PCDH9: variants seen among roughly 807,000 people sequenced by gnomAD.
The protein encoded by PCDH9 is protocadherin 9.
PCDH9 carries 24 observed loss-of-function variants against 70.6 expected under a neutral mutation model. The ratio of observed to expected loss-of-function variants is 0.34; its 90% CI spans 0.25 to 0.48. PCDH9 has a LOEUF of 0.48. Ranked by LOEUF, PCDH9 falls within the 20% of genes least tolerant of loss-of-function variation. The pLI is 0.99. For missense variants in PCDH9, 1,281 were observed against 1,503.6 expected (o/e 0.85, Z 2.45); for synonymous variants, 562 against 558.5 (o/e 1.01, Z -0.09).
chr13:67,077,936 T>C (rs1450524616), intron 2 of PCDH9, among the ~76,000 whole-genome samples: 3 of 152,188 alleles, frequency 2.0e-5, no homozygotes, highest in Admixed American at 2.0e-4. Context: ...CATACAAGTC[T>C]AAAACTTTTC....
At chr13:66,440,935 A>AT (rs905539344) in intron 4 of PCDH9, among the ~76,000 whole-genome samples, 1 of 152,124 alleles carries the variant, frequency 6.6e-6, no homozygotes, top group African/African-American at 2.4e-5. Context: ...TGCATTGCAT[A>AT]TATCAGCTAC....
intron 2 of PCDH9, among the ~76,000 whole-genome samples, chr13:67,130,527 G>A (rs1020736431): frequency 6.6e-6 from 1 of 151,942 alleles, no homozygotes; most frequent in African/African-American, 2.4e-5. Flanking sequence ...TTTCACAGGG[G>A]TTCGGGCCAT....
intron 3 of PCDH9, among the ~76,000 whole-genome samples, chr13:66,742,019 G>T (rs2079272777): frequency 7.8e-6 from 1 of 128,742 alleles, no homozygotes; most frequent in East Asian, 2.5e-4. Flanking sequence ...AACCAAAAAA[G>T]AGCCCGCATT....
At chr13:66,553,906 C>A (rs1961605605) in intron 4 of PCDH9, among the ~76,000 whole-genome samples, 1 of 152,052 alleles carries the variant, frequency 6.6e-6, no homozygotes, top group East Asian at 1.9e-4. Flanking sequence ...TTGAGAGGTG[C>A]CATAATTATT....
At chr13:66,439,589 C>T (rs781468658) in intron 4 of PCDH9, among the ~76,000 whole-genome samples, 13 of 152,154 alleles carry the variant, frequency 8.5e-5, no homozygotes, top group Non-Finnish European at 1.8e-4. Flanking sequence ...GTAAATTATG[C>T]TGCTTGTTGC....
intron 2 of PCDH9, among the ~76,000 whole-genome samples, chr13:67,143,344 C>G (rs754648101): frequency 2.0e-5 from 3 of 152,042 alleles, no homozygotes; most frequent in Non-Finnish European, 4.4e-5. Context: ...AATTCATAAA[C>G]CTTGTAGTTA....
intron 4 of PCDH9, among the ~76,000 whole-genome samples, chr13:66,404,704 T>C (rs1257533607): frequency 6.6e-6 from 1 of 152,160 alleles, no homozygotes; most frequent in Non-Finnish European, 1.5e-5. Flanking sequence ...TTACGTATGC[T>C]GTTTTAGTGC....
At chr13:66,916,513 G>A (rs762698782) in intron 2 of PCDH9, among the ~76,000 whole-genome samples, 32 of 151,126 alleles carry the variant, frequency 2.1e-4, no homozygotes, top group Non-Finnish European at 4.0e-4. Flanking sequence ...AGGGCCAATT[G>A]GATATTCTAA....
chr13:66,822,530 C>G (rs192231270), intron 3 of PCDH9, among the ~76,000 whole-genome samples: 3 of 129,562 alleles, frequency 2.3e-5, no homozygotes, highest in African/African-American at 8.8e-5. Flanking sequence ...CGGAGTCTTG[C>G]TCTGTCACCT....
At chr13:66,584,928 T>TA (rs1446166278) in intron 4 of PCDH9, among the ~76,000 whole-genome samples, 2 of 152,054 alleles carry the variant, frequency 1.3e-5, no homozygotes, top group East Asian at 1.9e-4. Context: ...AATGTAGATT[T>TA]AAAAAAATCT....
At chr13:66,832,430 AATT>A (rs1169140599) in intron 3 of PCDH9, among the ~76,000 whole-genome samples, 3 of 152,198 alleles carry the variant, frequency 2.0e-5, no homozygotes, top group South Asian at 2.1e-4. Flanking sequence ...AAATTATAAT[AATT>A]ATTAACACTT....
At chr13:66,638,694 T>C (rs2077671836) in intron 3 of PCDH9, among the ~76,000 whole-genome samples, 1 of 152,164 alleles carries the variant, frequency 6.6e-6, no homozygotes, top group African/African-American at 2.4e-5. Flanking sequence ...TTACAGTAAA[T>C]ATTTATTTAC....
In PCDH9 at chr13:66,874,078, C is replaced by T. The variant is rs1039879399; in HGVS notation, c.3138+29426G>A. Among the ~76,000 whole-genome samples the T allele has an allele frequency of 2.6e-5, 4 of 151,778 alleles. No homozygotes were observed. The East Asian group carries it at 7.7e-4, about 29-fold the overall frequency. ...ACTTCCACCTCCCAAGTAGCTGTGG[C>T]TACAGGTGTGTGCCACCATGTCCAG... On this transcript the variant is annotated intron_variant, in intron 3 of 4. Transcript: ENST00000377865.
chr13:67,133,614 C>T (rs185780542), intron 2 of PCDH9, among the ~76,000 whole-genome samples: 46 of 152,122 alleles, frequency 3.0e-4, no homozygotes, highest in Admixed American at 2.8e-3. Flanking sequence ...GAACCCTGGT[C>T]TATATCAAAG....
At chr13:66,765,988 A>C (rs995987688) in intron 3 of PCDH9, among the ~76,000 whole-genome samples, 1 of 152,072 alleles carries the variant, frequency 6.6e-6, no homozygotes, top group African/African-American at 2.4e-5. Context: ...TTATTATTTA[A>C]AAGTTTGTAA....
chr13:66,341,045 A>G (rs552811888), intron 4 of PCDH9, among the ~76,000 whole-genome samples: 3 of 152,304 alleles, frequency 2.0e-5, no homozygotes, highest in African/African-American at 7.2e-5. Flanking sequence ...ATGTTTAAGT[A>G]TTTAGAGTGC....
intron 2 of PCDH9, among the ~76,000 whole-genome samples, chr13:66,983,701 G>C (rs1256315119): frequency 1.3e-5 from 2 of 152,044 alleles, no homozygotes; most frequent in Admixed American, 1.3e-4. Flanking sequence ...TTTTATTTTA[G>C]GTTCAGGGCT....
chr13:66,468,352 C>A (rs906806877), intron 4 of PCDH9, among the ~76,000 whole-genome samples: 1 of 152,112 alleles, frequency 6.6e-6, no homozygotes, highest in African/African-American at 2.4e-5. Context: ...AATCTACCAT[C>A]ATCTCAGACC....
intron 2 of PCDH9, among the ~76,000 whole-genome samples, chr13:66,922,188 A>G (rs2082647189): frequency 6.6e-6 from 1 of 151,342 alleles, no homozygotes; most frequent in South Asian, 2.1e-4. Flanking sequence ...TGATTAAACA[A>G]TTGTGTGGGA....
Sources: gnomAD v4.1 joint callset for allele counts (sites outside exome capture counted in the v4.1 genomes callset) on GRCh38, gnomAD v4.1.1 for gene constraint, MANE v1.5 for transcripts, NCBI Gene and HGNC (gene_info 2026-07-23, HGNC 2026-07-21) for gene names.